DEUP1: variants seen among roughly 807,000 people sequenced by gnomAD.
The protein encoded by DEUP1 is coiled-coil domain containing 67.
A neutral mutation model predicts 87.4 loss-of-function variants in DEUP1; 82 were observed. The observed-to-expected ratio is 0.94, with a 90% CI of 0.78 to 1.13. DEUP1 has a LOEUF of 1.13. Among genes scored for constraint, DEUP1 ranks in the 50% most tolerant of loss-of-function variants. The pLI, the probability that DEUP1 is intolerant of heterozygous loss-of-function variation, is 0.00. For missense variants in DEUP1, 663 were observed against 681.5 expected (o/e 0.97, Z 0.30); for synonymous variants, 214 against 222.7 (o/e 0.96, Z 0.35).
intron 7 of DEUP1, among the ~76,000 whole-genome samples, chr11:93,379,801 T>C (rs184492152): frequency 1.4e-5 from 2 of 146,170 alleles, no homozygotes; most frequent in Middle Eastern, 3.4e-3. Flanking sequence ...GGAAAGTCCA[T>C]GTTACCTATT....
chr11:93,427,686 G>A (rs1302605630), intron 13 of DEUP1, among the ~76,000 whole-genome samples: 1 of 150,846 alleles, frequency 6.6e-6, no homozygotes, highest in African/African-American at 2.4e-5. Flanking sequence ...GAGTGAACAG[G>A]CAACCTACAA....
At chr11:93,352,526 A>T in intron 2 of DEUP1, 1 of 625,220 alleles carries the variant, frequency 1.6e-6, no homozygotes, top group Non-Finnish European at 2.9e-6. Context: ...TATGTGTATG[A>T]CTATTAGTAA....
intron 13 of DEUP1, among the ~76,000 whole-genome samples, chr11:93,417,699 C>G (rs1438177472): frequency 6.9e-6 from 1 of 145,188 alleles, no homozygotes; most frequent in Non-Finnish European, 1.5e-5. Context: ...TCATATGGAA[C>G]CAAAAAAGAG....
At chr11:93,371,618 G>A (rs2134269111) in intron 7 of DEUP1, among the ~76,000 whole-genome samples, 1 of 152,254 alleles carries the variant, frequency 6.6e-6, no homozygotes, top group Non-Finnish European at 1.5e-5. Context: ...TGACTCAGAA[G>A]AATCCTGGGT....
chr11:93,358,103 A>G (rs1265857124), intron 4 of DEUP1, among the ~76,000 whole-genome samples: 3 of 152,208 alleles, frequency 2.0e-5, no homozygotes, highest in South Asian at 2.1e-4. Flanking sequence ...AGAGATCACA[A>G]TCTGTAGTAG....
chr11:93,332,585 T>TGAAA (rs1591063669), intron 2 of DEUP1, among the ~76,000 whole-genome samples: 2 of 152,342 alleles, frequency 1.3e-5, no homozygotes, highest in African/African-American at 4.8e-5. Flanking sequence ...GTTACCACAA[T>TGAAA]GCAACCTTTC....
intron 7 of DEUP1, among the ~76,000 whole-genome samples, chr11:93,372,724 A>C (rs1370062345): frequency 6.6e-6 from 1 of 152,238 alleles, no homozygotes; most frequent in Non-Finnish European, 1.5e-5. Flanking sequence ...TCTTATTCTA[A>C]TACAAGTTAG....
At chr11:93,391,743 G>A (rs145226530) in intron 9 of DEUP1, among the ~76,000 whole-genome samples, 239 of 151,530 alleles carry the variant, frequency 1.6e-3, no homozygotes, top group African/African-American at 5.6e-3. Flanking sequence ...CATTTTAAGT[G>A]GAACAGGTTA....
At chr11:93,378,281 C>T (rs185695305) in intron 7 of DEUP1, among the ~76,000 whole-genome samples, 1 of 152,252 alleles carries the variant, frequency 6.6e-6, no homozygotes, top group East Asian at 1.9e-4. Context: ...TCCCAAACTT[C>T]TTGGAGGCTT....
chr11:93,363,857 A>T (rs1168150238), intron 4 of DEUP1, among the ~76,000 whole-genome samples: 4 of 152,024 alleles, frequency 2.6e-5, no homozygotes, highest in Admixed American at 1.3e-4. Context: ...CTTGTTTTTT[A>T]AAAAAATTGT....
intron 4 of DEUP1, among the ~76,000 whole-genome samples, chr11:93,361,224 G>A (rs866150893): frequency 3.7e-4 from 56 of 152,032 alleles, no homozygotes; most frequent in African/African-American, 1.0e-3. Context: ...ATTCTCAAAC[G>A]AAGGAAAACT....
At position 93,396,317 on chromosome 11, in the gene DEUP1, G is replaced by C. The variant is rs12288277; in HGVS notation, c.1318G>C (p.Glu440Gln). 405,283 of 1,543,438 alleles carry C rather than the reference G, an allele frequency of 0.26. 55,965 individuals are homozygous for C. The highest frequency in any genetic ancestry group is 0.39 in the South Asian group (32,526 of 82,940). Residue 440 changes from glutamate to glutamine, a missense_variant, in exon 11 of 14, where the codon GAA becomes CAA. By Grantham distance (29) the Glu-to-Gln change is conservative. Transcript: ENST00000298050. Reference protein sequence around the residue: ...KGMMGDLDPGEYMSMDFTNRE... With the variant: ...KGMMGDLDPGQYMSMDFTNRE... Reference sequence around the variant, plus strand: ...AATGATGGGAGATTTAGACCCCGGAGAATACATGGTAATATGCTGACATCA... The same window carrying C: ...AATGATGGGAGATTTAGACCCCGGACAATACATGGTAATATGCTGACATCA...
chr11:93,355,655 T>C (rs1455035462), intron 3 of DEUP1, 113 bp downstream of exon 3: 3 of 936,792 alleles, frequency 3.2e-6, no homozygotes, highest in African/African-American at 1.7e-5. Context: ...GCAACAGCAT[T>C]TATTGCTTGA....
chr11:93,355,272 C>T (rs1429535526), intron 2 of DEUP1, 99 bp from the exon 3 acceptor site: 3 of 1,048,754 alleles, frequency 2.9e-6, no homozygotes, highest in Non-Finnish European at 4.2e-6. Context: ...TGAACAATTT[C>T]AGGAAATAAT....
intron 11 of DEUP1, among the ~76,000 whole-genome samples, chr11:93,397,334 G>A (rs1211398055): frequency 6.6e-6 from 1 of 152,074 alleles, no homozygotes; most frequent in African/African-American, 2.4e-5. Flanking sequence ...TGTGATTGGA[G>A]TACAGATGGA....
At chr11:93,352,844 C>T (rs1458016754) in intron 2 of DEUP1, among the ~76,000 whole-genome samples, 1 of 152,122 alleles carries the variant, frequency 6.6e-6, no homozygotes, top group Admixed American at 6.5e-5. Context: ...TCAATTACCT[C>T]CCCACCCCAG....
upstream of DEUP1, chr11:93,330,352 G>C (rs1462618934): frequency 6.6e-6 from 1 of 152,452 alleles, no homozygotes; most frequent in Non-Finnish European, 1.5e-5. Context: ...AGTATTTCCG[G>C]GCTGCAGCTT....
At chr11:93,372,586 C>T (rs568630227) in intron 7 of DEUP1, among the ~76,000 whole-genome samples, 1 of 152,274 alleles carries the variant, frequency 6.6e-6, no homozygotes, top group East Asian at 1.9e-4. Context: ...CCAGCATCTA[C>T]TGTTCTATGT....
chr11:93,393,006 TCCTCCTCCTCCTCTGAGC>T (rs1236950323), intron 9 of DEUP1, among the ~76,000 whole-genome samples: 1 of 128,554 alleles, frequency 7.8e-6, no homozygotes, highest in Non-Finnish European at 1.7e-5. Context: ...TCCTTCTTTC[TCCTCCTCCTCCTCTGAGC>T]CCTCCTCCTC....
Sources: gnomAD v4.1 joint callset for allele counts (sites outside exome capture counted in the v4.1 genomes callset) on GRCh38, gnomAD v4.1.1 for gene constraint, MANE v1.5 for transcripts, NCBI Gene and HGNC (gene_info 2026-07-23, HGNC 2026-07-21) for gene names.